Variants in CENPQ observed in about 807,000 individuals in gnomAD.
CENPQ encodes the protein chromosome 6 open reading frame 139.
In CENPQ, 27 loss-of-function variants were observed where a neutral mutation model predicts 36.6. That is an observed-to-expected ratio of 0.74 (90% CI 0.54 to 1.02). The LOEUF is 1.02. CENPQ is among the 50% of genes least tolerant of loss of function. The probability of loss-of-function intolerance (pLI) is 0.00; values close to 1 mark genes in which losing one functional copy is unlikely to be tolerated. For missense variants in CENPQ, 306 were observed against 301.8 expected (o/e 1.01, Z -0.10); for synonymous variants, 101 against 101.7 (o/e 0.99, Z 0.04).
intron 5 of CENPQ, among the ~76,000 whole-genome samples, chr6:49,476,642 C>T (rs556583449): frequency 6.6e-6 from 1 of 152,256 alleles, no homozygotes; most frequent in South Asian, 2.1e-4. Context: ...AGGCATCCTA[C>T]AGAATGGGAG....
intron 1 of CENPQ, among the ~76,000 whole-genome samples, chr6:49,467,473 A>G (rs1665700953): frequency 1.3e-5 from 2 of 152,236 alleles, no homozygotes; most frequent in Admixed American, 1.3e-4. Context: ...AATTTTCTGT[A>G]AACCTAAAAC....
In CENPQ at chr6:49,476,266, A is replaced by G. The variant is rs998356010; in HGVS notation, c.347+3408A>G. ...ACAGAACAGAGCCCTCAGAAATAAT[A>G]CCACACATCTACAACCATCTGATCT... On this transcript the variant is annotated intron_variant, in intron 5 of 8. Coordinates refer to ENST00000335783, the MANE Select transcript of CENPQ (RefSeq NM_018132.4). 1.2e-4 allele frequency among the ~76,000 whole-genome samples: 19 copies of G among 152,188 alleles called. 1 individual carries two copies. The South Asian group carries it at 2.1e-3, about 17-fold the overall frequency.
At chr6:49,470,111 CT>C in intron 1 of CENPQ, 47 bp from the exon 2 acceptor site, 3 of 810,696 alleles carry the variant, frequency 3.7e-6, no homozygotes, top group Non-Finnish European at 5.8e-6. Flanking sequence ...AAGGCTTTAG[CT>C]TTTTTTGTAT....
intron 3 of CENPQ, among the ~76,000 whole-genome samples, chr6:49,471,232 A>G (rs1412588314): frequency 1.3e-5 from 2 of 152,232 alleles, no homozygotes; most frequent in Non-Finnish European, 2.9e-5. Context: ...GAAATACTGT[A>G]GAGGCTTCAA....
chr6:49,467,012 G>T (rs568088733), intron 1 of CENPQ, among the ~76,000 whole-genome samples: 5 of 152,246 alleles, frequency 3.3e-5, no homozygotes, highest in African/African-American at 1.2e-4. Flanking sequence ...CTACTCAGGG[G>T]TTGGAAGTAT....
chr6:49,481,042 C>A lies in CENPQ; in HGVS notation c.439C>A (p.Arg147=). 3.1e-6 allele frequency: 5 copies of A among 1,608,736 alleles called. No individual in the cohort carries two copies. The highest frequency in any genetic ancestry group is 4.2e-6 in the Non-Finnish European group (5 of 1,178,190). ...AAGTCTACTGAATATGGAAAGGGCACGAGACAAAGCTAATGAAGAAGGTCT... is the reference window on the plus strand; with the variant it reads ...AAGTCTACTGAATATGGAAAGGGCAAGAGACAAAGCTAATGAAGAAGGTCT... ...VSSLLNMERA[R]DKANEEGLAL... The change falls in exon 6 of 9, where the codon CGA becomes AGA. Residue 147 remains arginine (R), a synonymous_variant. Coordinates refer to ENST00000335783, the MANE Select transcript of CENPQ (RefSeq NM_018132.4).
chr6:49,492,092 A>G (rs1210166584), intron 8 of CENPQ, 52 bp from the exon 9 acceptor site: 9 of 1,411,116 alleles, frequency 6.4e-6, no homozygotes, highest in Non-Finnish European at 8.8e-6. Context: ...TACATTTGAG[A>G]TTTCTCATAA....
Position 49,472,917 on chromosome 6 carries a change from T to C in CENPQ, c.347+59T>C, listed in dbSNP as rs1254268290. 5 of 1,161,094 alleles carry C rather than the reference T, an allele frequency of 4.3e-6. No homozygotes were observed. The East Asian group carries it at 1.3e-4, about 30-fold the overall frequency. The allele number at this position is 1,161,094 out of a possible 1,614,324, so 71.9% of individuals were successfully genotyped here. On this transcript the variant is annotated intron_variant, in intron 5 of 8. Coordinates refer to ENST00000335783, the MANE Select transcript of CENPQ (RefSeq NM_018132.4). ...ATAATTTTTAAAAACCTGACTTCTT[T>C]CTATGTTGCCAAATAGACACTTGTG... is the stretch of plus-strand genomic sequence containing the variant.
At chr6:49,479,926 TG>T (rs925026857) in intron 5 of CENPQ, among the ~76,000 whole-genome samples, 1 of 151,994 alleles carries the variant, frequency 6.6e-6, no homozygotes, top group Non-Finnish European at 1.5e-5. Context: ...TGAATATATA[TG>T]GACACAAAGA....
rs1044949027 is a variant in CENPQ at position 49,482,835 on chromosome 6, G to A, written c.477+1755G>A. On this transcript the variant is annotated intron_variant, in intron 6 of 8. Transcript: ENST00000335783. ...TACAGTTCTTAAAGGCAGCGTTTCCGGAGTTTGTTCCTCCCAGTGGGTTCG... is the reference window on the plus strand; with the variant it reads ...TACAGTTCTTAAAGGCAGCGTTTCCAGAGTTTGTTCCTCCCAGTGGGTTCG... Among the ~76,000 whole-genome samples the A allele has an allele frequency of 1.1e-4, 16 of 152,192 alleles. No homozygotes were observed. In the South Asian group the frequency reaches 1.2e-3, roughly 12 times the overall value.
At chr6:49,484,531 G>C (rs1321817859) in intron 6 of CENPQ, among the ~76,000 whole-genome samples, 1 of 152,194 alleles carries the variant, frequency 6.6e-6, no homozygotes, top group Non-Finnish European at 1.5e-5. Context: ...ACATTTTGAA[G>C]TAGTTTGTAG....
chr6:49,470,213 C>G lies in CENPQ; in HGVS notation c.37C>G (p.Gln13Glu), dbSNP rs1232736758. 6.2e-7 allele frequency: 1 copy of G among 1,607,734 alleles called. No homozygotes were observed. The highest frequency in any genetic ancestry group is 1.1e-5 in the South Asian group (1 of 90,650). The change falls in exon 2 of 9, where the codon CAA becomes GAA. Residue 13 changes from glutamine to glutamate, a missense_variant. Gln to Glu is a conservative substitution (Grantham distance 29). Transcript: ENST00000335783. The stretch of plus-strand genomic sequence containing the variant: ...AGCAAATGCTTCCAAGAAAAACGCT[C>G]AACAGTTAAAAAGAAATCCAAAGAG... ...GKANASKKNA[Q>E]QLKRNPKRKK...
chr6:49,482,385 C>G (rs901364353), intron 6 of CENPQ, among the ~76,000 whole-genome samples: 3 of 152,180 alleles, frequency 2.0e-5, no homozygotes, highest in Admixed American at 6.5e-5. Context: ...TGTCACCTCT[C>G]AATCCCCCCT....
At chr6:49,473,024 A>C (rs911977417) in intron 5 of CENPQ, among the ~76,000 whole-genome samples, 166 bp downstream of exon 5, 3 of 140,420 alleles carry the variant, frequency 2.1e-5, no homozygotes, top group African/African-American at 9.1e-5. Flanking sequence ...GCTGCTCCAC[A>C]TGTTTCTCAA....
At chr6:49,476,082 T>G (rs182267680) in intron 5 of CENPQ, among the ~76,000 whole-genome samples, 2 of 151,924 alleles carry the variant, frequency 1.3e-5, no homozygotes, top group Admixed American at 1.3e-4. Context: ...AAACTAAAGT[T>G]CATATGGAAC....
intron 1 of CENPQ, among the ~76,000 whole-genome samples, chr6:49,466,073 T>C (rs2127422620): frequency 6.6e-6 from 1 of 152,288 alleles, no homozygotes. Flanking sequence ...GGTTATTAAA[T>C]GGCCTAATTT....
At chr6:49,480,762 TA>T (rs2127426357) in intron 5 of CENPQ, among the ~76,000 whole-genome samples, 188 bp from the exon 6 acceptor site, 1 of 152,276 alleles carries the variant, frequency 6.6e-6, no homozygotes, top group African/African-American at 2.4e-5. Flanking sequence ...TAAATCTTAA[TA>T]AATTGAAAGG....
At chr6:49,481,729 G>A (rs1768434454) in intron 6 of CENPQ, among the ~76,000 whole-genome samples, 4 of 152,020 alleles carry the variant, frequency 2.6e-5, no homozygotes, top group Admixed American at 6.6e-5. Context: ...GGTTCTCCAC[G>A]TCCCCACCAG....
At chr6:49,490,302 G>T (rs74828966) in intron 8 of CENPQ, among the ~76,000 whole-genome samples, 2 of 152,194 alleles carry the variant, frequency 1.3e-5, no homozygotes, top group East Asian at 3.9e-4. Context: ...TATAAACACA[G>T]CTTCTTTCCT....
Sources: allele counts gnomAD v4.1 joint callset (sites outside exome capture counted in the v4.1 genomes callset), GRCh38; gene constraint gnomAD v4.1.1; transcripts MANE v1.5; gene names NCBI Gene and HGNC (gene_info 2026-07-23, HGNC 2026-07-21).